Variants in PNPLA1 observed in about 807,000 individuals in gnomAD.
PNPLA1 encodes omega-hydroxyceramide transacylase.
In PNPLA1, 36 loss-of-function variants were observed where a neutral mutation model predicts 51.7. That is an observed-to-expected ratio of 0.70 (90% CI 0.53 to 0.92). The LOEUF (loss-of-function observed/expected upper bound fraction) is 0.92, where lower values mean the gene tolerates loss of function less well. Ranked by LOEUF, PNPLA1 falls within the 40% of genes least tolerant of loss-of-function variation. The probability of loss-of-function intolerance (pLI) is 0.00; values close to 1 mark genes in which losing one functional copy is unlikely to be tolerated. For missense variants in PNPLA1, 658 were observed against 682.5 expected (o/e 0.96, Z 0.40); for synonymous variants, 293 against 280.1 (o/e 1.05, Z -0.46).
intron 1 of PNPLA1, among the ~76,000 whole-genome samples, chr6:36,248,936 G>T (rs1769364268): frequency 6.6e-6 from 1 of 152,234 alleles, no homozygotes; most frequent in Admixed American, 6.5e-5. Flanking sequence ...TGCACTGGAT[G>T]CTGGCTGCAT....
chr6:36,293,189 C>T, intron 3 of PNPLA1, 63 bp downstream of exon 3: 2 of 1,512,462 alleles, frequency 1.3e-6, no homozygotes, highest in Non-Finnish European at 1.8e-6. Flanking sequence ...CCCTGTGACT[C>T]ACACCTGGGG....
intron 1 of PNPLA1, among the ~76,000 whole-genome samples, chr6:36,250,203 CT>C (rs747515644): frequency 2.2e-4 from 34 of 152,138 alleles, no homozygotes; most frequent in African/African-American, 8.0e-4. Context: ...TACTGGGTGG[CT>C]TCTGGGAGGC....
intron 1 of PNPLA1, among the ~76,000 whole-genome samples, chr6:36,261,243 A>G (rs1582035462): frequency 6.6e-6 from 1 of 152,224 alleles, no homozygotes; most frequent in South Asian, 2.1e-4. Context: ...GTGTTTTGCT[A>G]TGATAGAGAG....
rs1318932755 is a variant in PNPLA1 at position 36,294,700 on chromosome 6, C to T, written c.714+301C>T. 1.3e-5 allele frequency among the ~76,000 whole-genome samples: 2 copies of T among 152,144 alleles called. No individual in the cohort carries two copies. The highest frequency in any genetic ancestry group is 2.9e-5 in the Non-Finnish European group (2 of 68,020). On this transcript the variant is annotated intron_variant, in intron 4 of 8. Transcript: ENST00000636260. The surrounding 1 kb of genome is among the most constrained non-coding windows in gnomAD (Gnocchi z 4.2). ...ACAGTTCATGTCCCAAATCAAAGGT[C>T]GGCAAGCTGCAGCCCACGGGCCAAA...
Position 36,313,387 on chromosome 6 carries a change from A to G in PNPLA1, c.*1501A>G, listed in dbSNP as rs572445009. On this transcript the variant is annotated 3_prime_UTR_variant, in exon 9 of 9. Coordinates refer to ENST00000636260, the MANE Select transcript of PNPLA1 (RefSeq NM_001374623.1). The stretch of plus-strand genomic sequence containing the variant: ...CCCCAGCTGCCCACAGGCCTCAGGT[A>G]CATTTGCTTACCAAATCCTGAAATG... Among the ~76,000 whole-genome samples, 86 of 152,302 alleles carry G rather than the reference A, an allele frequency of 5.6e-4. No individual in the cohort carries two copies. Among genetic ancestry groups the G allele is most frequent in the Non-Finnish European group, 8.5e-4 (58 of 68,026 alleles).
rs779929714 is a variant in PNPLA1 at position 36,270,431 on chromosome 6, C to T, written c.-29C>T. ...AGGCAAGTGCTGAAGGGTGGCTCCG[C>T]CTTCCGCAGAAAGTCAGAGGCCGAG... On this transcript the variant is annotated 5_prime_UTR_variant, in exon 1 of 9. Transcript: ENST00000636260. 1 of 1,549,832 alleles carries T rather than the reference C, an allele frequency of 6.5e-7. No homozygotes were observed. The highest frequency in any genetic ancestry group is 1.2e-5 in the South Asian group (1 of 84,024).
At chr6:36,303,190 G>T (rs1400495817) in intron 6 of PNPLA1, among the ~76,000 whole-genome samples, 1 of 152,090 alleles carries the variant, frequency 6.6e-6, no homozygotes, top group Non-Finnish European at 1.5e-5. Flanking sequence ...TGCCTCCCGG[G>T]TTCACGCCAT....
At chr6:36,292,600 T>C (rs1770722596) in intron 2 of PNPLA1, among the ~76,000 whole-genome samples, 1 of 152,152 alleles carries the variant, frequency 6.6e-6, no homozygotes, top group East Asian at 1.9e-4. Context: ...TGCACCCCTC[T>C]TGTGGAGCCA....
chr6:36,297,266 C>A (rs1220692877), intron 5 of PNPLA1, among the ~76,000 whole-genome samples: 1 of 152,200 alleles, frequency 6.6e-6, no homozygotes, highest in African/African-American at 2.4e-5. Context: ...CAGTGTATGG[C>A]ACGGGTTTCT....
chr6:36,313,494 G>C lies in PNPLA1; in HGVS notation c.*1608G>C, dbSNP rs192650325. Among the ~76,000 whole-genome samples the C allele has an allele frequency of 6.6e-6, 1 of 152,196 alleles. No individual in the cohort carries two copies. Among genetic ancestry groups the C allele is most frequent in the Non-Finnish European group, 1.5e-5 (1 of 68,032 alleles). On this transcript the variant is annotated 3_prime_UTR_variant, in exon 9 of 9. Transcript: ENST00000636260. ...GAGACCATATGCAAATTTAAGCCTG[G>C]TGGGGCTGGGGATTTAGAGGGTTGG...
intron 6 of PNPLA1, 66 bp downstream of exon 6, chr6:36,302,535 C>T: frequency 1.3e-6 from 2 of 1,505,578 alleles, no homozygotes; most frequent in Non-Finnish European, 1.8e-6. Flanking sequence ...CGAGCAAGGA[C>T]ACCAGGGCTG....
intron 5 of PNPLA1, among the ~76,000 whole-genome samples, chr6:36,301,184 G>C (rs1249394535): frequency 7.1e-6 from 1 of 140,400 alleles, no homozygotes; most frequent in South Asian, 2.3e-4. Context: ...GTAGTGGCAC[G>C]ATCATGGCTC....
chr6:36,298,229 T>C (rs1770919443), intron 5 of PNPLA1, among the ~76,000 whole-genome samples: 1 of 152,236 alleles, frequency 6.6e-6, no homozygotes, highest in Non-Finnish European at 1.5e-5. Flanking sequence ...ACAGCCCATT[T>C]ACCCAGTCCC....
intron 8 of PNPLA1, among the ~76,000 whole-genome samples, chr6:36,309,235 T>C (rs116141618): frequency 2.9e-3 from 438 of 152,286 alleles, no homozygotes; most frequent in African/African-American, 0.01. Context: ...AACCACATGT[T>C]CTTTCTGGAT....
chr6:36,272,778 C>A (rs370624274), intron 1 of PNPLA1, among the ~76,000 whole-genome samples: 12 of 152,236 alleles, frequency 7.9e-5, no homozygotes, highest in Non-Finnish European at 1.3e-4. Context: ...AAGCAGGGTG[C>A]CTTCCTGGCT....
chr6:36,245,172 C>G (rs961026276), intron 1 of PNPLA1, among the ~76,000 whole-genome samples: 4 of 152,194 alleles, frequency 2.6e-5, no homozygotes, highest in Admixed American at 1.3e-4. Context: ...GTGGGTGTGA[C>G]TTCCTCCAGG....
At position 36,243,995 on chromosome 6, in the gene PNPLA1, A is replaced by C. The variant is rs529428424; in HGVS notation, c.-81+734A>C. 5.3e-5 allele frequency among the ~76,000 whole-genome samples: 8 copies of C among 152,320 alleles called. No homozygotes were observed. The South Asian group carries it at 1.7e-3, about 32-fold the overall frequency. ...TAATTGTCATGCCCCTTTCCTGCAC[A>C]GATTGAGCCCCAGAGAGGTTGAGTA... On this transcript the variant is annotated intron_variant, in intron 1 of 7. Transcript: ENST00000312917.
At chr6:36,309,334 C>T (rs1276471814) in intron 8 of PNPLA1, among the ~76,000 whole-genome samples, 1 of 152,152 alleles carries the variant, frequency 6.6e-6, no homozygotes, top group African/African-American at 2.4e-5. Context: ...TCTTCTCACT[C>T]ATTCTTGATC....
At chr6:36,272,441 C>T (rs755504098) in intron 1 of PNPLA1, among the ~76,000 whole-genome samples, 1 of 152,174 alleles carries the variant, frequency 6.6e-6, no homozygotes, top group South Asian at 2.1e-4. Flanking sequence ...TCCTGCTGTG[C>T]GGCCTGGTTC....
Sources: allele counts gnomAD v4.1 joint callset (sites outside exome capture counted in the v4.1 genomes callset), GRCh38; gene constraint gnomAD v4.1.1; non-coding constraint Gnocchi (gnomAD v3.1); transcripts MANE v1.5; gene names NCBI Gene and HGNC (gene_info 2026-07-23, HGNC 2026-07-21).